GRID2: variants seen among roughly 807,000 people sequenced by gnomAD.
GRID2 encodes glutamate receptor ionotropic, delta-2.
GRID2 carries 33 observed loss-of-function variants against 114.8 expected under a neutral mutation model. That is an observed-to-expected ratio of 0.29 (90% confidence interval 0.22 to 0.38). GRID2 has a LOEUF of 0.38. Among genes scored for constraint, GRID2 ranks in the 10% least tolerant of loss-of-function variants. The pLI, the probability that GRID2 is intolerant of heterozygous loss-of-function variation, is 1.00. For synonymous variants in GRID2, 505 were observed against 449.9 expected (o/e 1.12, Z -1.55); for missense variants, 1,184 against 1,257.7 (o/e 0.94, Z 0.89).
intron 4 of GRID2, among the ~76,000 whole-genome samples, chr4:93,143,746 G>A (rs77706594): frequency 0.035 from 5,321 of 152,198 alleles, 294 homozygotes; most frequent in African/African-American, 0.12. Context: ...GAGCAATTAT[G>A]ACCTACCTTG....
chr4:92,494,988 A>C (rs1463348061), intron 1 of GRID2, among the ~76,000 whole-genome samples: 1 of 152,064 alleles, frequency 6.6e-6, no homozygotes, highest in African/African-American at 2.4e-5. Context: ...AAATTCCAGA[A>C]TAGAGAAAAA....
At chr4:92,371,878 C>T (rs1004331631) in intron 1 of GRID2, among the ~76,000 whole-genome samples, 5 of 152,022 alleles carry the variant, frequency 3.3e-5, no homozygotes, top group Admixed American at 6.6e-5. Context: ...TTCAAGATGC[C>T]ACTGAGAACA....
intron 2 of GRID2, among the ~76,000 whole-genome samples, chr4:92,666,082 A>T (rs1345505865): frequency 6.6e-6 from 1 of 151,386 alleles, no homozygotes; most frequent in African/African-American, 2.4e-5. Context: ...TTATACCTTT[A>T]GTTTTCACTT....
At position 93,772,375 on chromosome 4, in the gene GRID2, C is replaced by T. The variant is rs965569632; in HGVS notation, c.2901C>T (p.His967=). The T allele has an allele frequency of 8.7e-6, 14 of 1,613,896 alleles. No individual in the cohort carries two copies. The highest frequency in any genetic ancestry group is 1.0e-5 in the Non-Finnish European group (12 of 1,179,952). The change falls in exon 16 of 16, where the codon CAC becomes CAT. Residue 967 remains histidine (H), a synonymous_variant. Transcript: ENST00000282020. ...AGCACCGAACTGGCCCTTTTAGGCA[C>T]AGGGCACCTAATGGGGGCTTTTTCA... ...VPEHRTGPFR[H]RAPNGGFFRS...
chr4:93,708,258 C>T (rs1728179001), intron 14 of GRID2, among the ~76,000 whole-genome samples: 1 of 151,958 alleles, frequency 6.6e-6, no homozygotes, highest in Non-Finnish European at 1.5e-5. Flanking sequence ...TGTTGATTTT[C>T]TATCTGAATA....
chr4:93,267,333 A>G (rs1336106956), intron 8 of GRID2, among the ~76,000 whole-genome samples: 4 of 152,134 alleles, frequency 2.6e-5, no homozygotes, highest in Admixed American at 6.5e-5. Flanking sequence ...CTCAAGTCCA[A>G]TGATGGGCAC....
At chr4:93,362,150 T>A (rs1761940065) in intron 8 of GRID2, among the ~76,000 whole-genome samples, 2 of 152,104 alleles carry the variant, frequency 1.3e-5, no homozygotes, top group Admixed American at 1.3e-4. Context: ...TTAGGTTAGG[T>A]GTTGGGTCAC....
intron 8 of GRID2, among the ~76,000 whole-genome samples, chr4:93,291,453 A>T (rs971037664): frequency 6.6e-6 from 1 of 152,218 alleles, no homozygotes; most frequent in Admixed American, 6.5e-5. Flanking sequence ...TTAAGTGGTC[A>T]TCACAGTGTC....
At chr4:93,619,289 G>A (rs753634436) in intron 13 of GRID2, among the ~76,000 whole-genome samples, 4 of 152,128 alleles carry the variant, frequency 2.6e-5, no homozygotes, top group Admixed American at 2.6e-4. Context: ...ATTGATGAAT[G>A]CTGCTAAATT....
chr4:92,714,360 C>G (rs548294587), intron 2 of GRID2, among the ~76,000 whole-genome samples: 1 of 152,178 alleles, frequency 6.6e-6, no homozygotes, highest in Non-Finnish European at 1.5e-5. Flanking sequence ...GGTGTTTTCA[C>G]AGGCTGGCGT....
intron 10 of GRID2, among the ~76,000 whole-genome samples, chr4:93,440,027 CA>C (rs1326329443): frequency 6.6e-6 from 1 of 151,924 alleles, no homozygotes; most frequent in Non-Finnish European, 1.5e-5. Context: ...GGACAAAGAC[CA>C]GAGGAAATGG....
chr4:92,567,578 G>C (rs1269371935), intron 1 of GRID2, among the ~76,000 whole-genome samples: 1 of 151,996 alleles, frequency 6.6e-6, no homozygotes, highest in Non-Finnish European at 1.5e-5. Flanking sequence ...AAAATAGGAT[G>C]CTAGAGCTTG....
chr4:93,529,057 C>T (rs969754834), intron 13 of GRID2, among the ~76,000 whole-genome samples: 3 of 152,114 alleles, frequency 2.0e-5, no homozygotes, highest in Non-Finnish European at 4.4e-5. Flanking sequence ...TTGCTCTTTC[C>T]ATCACAGTTA....
chr4:92,485,760 G>A (rs546479697), intron 1 of GRID2, among the ~76,000 whole-genome samples: 26 of 152,040 alleles, frequency 1.7e-4, no homozygotes, highest in Admixed American at 1.4e-3. Flanking sequence ...AAATATTTGA[G>A]AATTTTAAGC....
At chr4:93,200,180 G>A (rs1279286220) in intron 4 of GRID2, among the ~76,000 whole-genome samples, 1 of 152,150 alleles carries the variant, frequency 6.6e-6, no homozygotes, top group Non-Finnish European at 1.5e-5. Context: ...TTTTGTTGGA[G>A]AGAACATTGT....
intron 2 of GRID2, among the ~76,000 whole-genome samples, chr4:92,968,137 G>A (rs1049653661): frequency 6.6e-6 from 1 of 151,864 alleles, no homozygotes; most frequent in East Asian, 1.9e-4. Context: ...GCAGAGCTAA[G>A]TAATAAAACT....
At chr4:93,268,073 A>C (rs1251831611) in intron 8 of GRID2, among the ~76,000 whole-genome samples, 2 of 152,114 alleles carry the variant, frequency 1.3e-5, no homozygotes, top group African/African-American at 4.8e-5. Context: ...TTTCTGCTGG[A>C]TCTCACCACA....
chr4:92,705,462 C>A (rs532015952), intron 2 of GRID2, among the ~76,000 whole-genome samples: 2 of 152,232 alleles, frequency 1.3e-5, no homozygotes, highest in East Asian at 1.9e-4. Context: ...GAAAAAGTTA[C>A]CTTTTGACAC....
intron 13 of GRID2, among the ~76,000 whole-genome samples, chr4:93,599,179 T>G (rs1052425528): frequency 1.3e-5 from 2 of 152,182 alleles, no homozygotes; most frequent in African/African-American, 4.8e-5. Context: ...ACAAATGTTG[T>G]TGGATGGACT....
Sources: gnomAD v4.1 joint callset for allele counts (sites outside exome capture counted in the v4.1 genomes callset) on GRCh38, gnomAD v4.1.1 for gene constraint, MANE v1.5 for transcripts, NCBI Gene and HGNC (gene_info 2026-07-23, HGNC 2026-07-21) for gene names.